The following CLSTN2 variants were observed in gnomAD, a reference collection of about 807,000 sequenced individuals.
CLSTN2 encodes calsyntenin 2.
A neutral mutation model predicts 101.2 loss-of-function variants in CLSTN2; 48 were observed. The observed-to-expected ratio is 0.47, with a 90% CI of 0.38 to 0.60. The LOEUF (loss-of-function observed/expected upper bound fraction) is 0.60. Among genes scored for constraint, CLSTN2 ranks in the 20% least tolerant of loss-of-function variants. The pLI is 0.00. For missense variants in CLSTN2, 1,160 were observed against 1,238.2 expected, an observed-to-expected ratio of 0.94 and a Z score of 0.95; for synonymous variants, 481 against 463.6, an observed-to-expected ratio of 1.04 and a Z score of -0.48.
At chr3:140,075,891 T>G (rs1376731988) in intron 1 of CLSTN2, among the ~76,000 whole-genome samples, 1 of 152,060 alleles carries the variant, frequency 6.6e-6, no homozygotes, top group Non-Finnish European at 1.5e-5. Context: ...TGCAGGTATC[T>G]CTGCAGTTCC....
chr3:140,013,408 G>A (rs9289595), intron 1 of CLSTN2, among the ~76,000 whole-genome samples: 11,381 of 152,204 alleles, frequency 0.075, 483 homozygotes, highest in Middle Eastern at 0.11. Context: ...TACTTGTTCC[G>A]GCTCTTTGTT....
intron 1 of CLSTN2, among the ~76,000 whole-genome samples, chr3:139,950,801 G>T (rs1487523429): frequency 6.6e-6 from 1 of 152,160 alleles, no homozygotes; most frequent in East Asian, 1.9e-4. Context: ...ACAAATGCTT[G>T]GGCCCAACCA....
At chr3:140,533,567 C>T (rs577912549) in intron 9 of CLSTN2, among the ~76,000 whole-genome samples, 5 of 151,934 alleles carry the variant, frequency 3.3e-5, no homozygotes, top group South Asian at 4.2e-4. Context: ...AAAAATTAGC[C>T]GGGCATGGTG....
At chr3:140,355,479 T>A (rs2087660249) in intron 2 of CLSTN2, among the ~76,000 whole-genome samples, 1 of 152,176 alleles carries the variant, frequency 6.6e-6, no homozygotes, top group Non-Finnish European at 1.5e-5. Flanking sequence ...GCTCAGTAAA[T>A]ACGTCAGTAG....
chr3:140,459,431 C>A, intron 6 of CLSTN2, 90 bp from the exon 7 acceptor site: 1 of 1,450,810 alleles, frequency 6.9e-7, no homozygotes, highest in South Asian at 1.2e-5. Context: ...TGAGTAAGTA[C>A]ACTGAGTAGT....
At chr3:140,248,154 G>A (rs1406107723) in intron 2 of CLSTN2, among the ~76,000 whole-genome samples, 1 of 152,216 alleles carries the variant, frequency 6.6e-6, no homozygotes, top group African/African-American at 2.4e-5. Context: ...GCAGGGCAAT[G>A]TGAAATATTT....
chr3:140,198,389 G>C (rs558398955), intron 2 of CLSTN2, among the ~76,000 whole-genome samples: 1 of 152,166 alleles, frequency 6.6e-6, no homozygotes, highest in Non-Finnish European at 1.5e-5. Context: ...TGGGCACAGC[G>C]TGACTGGGCC....
At chr3:140,000,757 G>A (rs957029438) in intron 1 of CLSTN2, among the ~76,000 whole-genome samples, 3 of 152,114 alleles carry the variant, frequency 2.0e-5, no homozygotes. Context: ...TTCTCATCTT[G>A]CTCTTCTCTG....
At position 140,209,370 on chromosome 3, in the gene CLSTN2, T is replaced by G. The variant is rs116592672; in HGVS notation, c.232+33297T>G. 7.6e-3 allele frequency among the ~76,000 whole-genome samples: 1,158 copies of G among 152,292 alleles called. 13 individuals are homozygous for G. The highest frequency in any genetic ancestry group is 0.026 in the African/African-American group (1,077 of 41,542). Reference sequence around the variant, plus strand: ...ATGCTTTCAGGACAGTGGGTTCTCTTTCTTTCAGCTGTGTAGCTTTGGTGG... The same window carrying G: ...ATGCTTTCAGGACAGTGGGTTCTCTGTCTTTCAGCTGTGTAGCTTTGGTGG... On this transcript the variant is annotated intron_variant, in intron 2 of 16. Transcript: ENST00000458420.
At chr3:140,175,834 C>T in intron 1 of CLSTN2, 117 bp from the exon 2 acceptor site, 1 of 1,009,276 alleles carries the variant, frequency 9.9e-7, no homozygotes, top group East Asian at 2.6e-5. Flanking sequence ...CCATGTCTCT[C>T]ATGGGATTGT....
intron 1 of CLSTN2, among the ~76,000 whole-genome samples, chr3:140,092,642 A>G (rs1263533602): frequency 6.6e-6 from 1 of 152,190 alleles, no homozygotes; most frequent in Admixed American, 6.5e-5. Flanking sequence ...GTCACTTTGC[A>G]GAGAGCAGTA....
intron 1 of CLSTN2, among the ~76,000 whole-genome samples, chr3:140,076,630 T>TTTTTG (rs2008496297): frequency 2.2e-5 from 3 of 136,554 alleles, no homozygotes; most frequent in East Asian, 4.3e-4. Context: ...GCAGTGTTTT[T>TTTTTG]TTTTTTTTTT....
chr3:139,982,529 G>A (rs1576385664), intron 1 of CLSTN2, among the ~76,000 whole-genome samples: 1 of 152,002 alleles, frequency 6.6e-6, no homozygotes, highest in African/African-American at 2.4e-5. Context: ...TTCTTTATTT[G>A]GCATCTGCAA....
At position 140,067,728 on chromosome 3, in the gene CLSTN2, G is replaced by T. The variant is rs186992878; in HGVS notation, c.110-108223G>T. Among the ~76,000 whole-genome samples, 22 of 152,266 alleles carry T rather than the reference G, an allele frequency of 1.4e-4. No homozygotes were observed. In the East Asian group the frequency reaches 4.2e-3, roughly 29 times the overall value. On this transcript the variant is annotated intron_variant, in intron 1 of 16. Coordinates refer to ENST00000458420, the MANE Select transcript of CLSTN2 (RefSeq NM_022131.3). ...CCCTGTGAGTGGTCATTTTAGGAAG[G>T]GATGTTTCCTGGGAGAGACGGGGCT...
At chr3:140,457,092 T>A (rs1353345761) in intron 6 of CLSTN2, among the ~76,000 whole-genome samples, 1 of 152,168 alleles carries the variant, frequency 6.6e-6, no homozygotes, top group Non-Finnish European at 1.5e-5. Context: ...CCTCTGGTGG[T>A]GGAGTTTCAA....
chr3:140,222,465 T>G (rs2086282558), intron 2 of CLSTN2, among the ~76,000 whole-genome samples: 1 of 152,126 alleles, frequency 6.6e-6, no homozygotes, highest in Non-Finnish European at 1.5e-5. Context: ...TTAAAATAAC[T>G]GAAAAAAATA....
At chr3:140,216,428 G>A (rs1241230101) in intron 2 of CLSTN2, among the ~76,000 whole-genome samples, 1 of 152,174 alleles carries the variant, frequency 6.6e-6, no homozygotes, top group African/African-American at 2.4e-5. Context: ...TCATTCCACT[G>A]TCTACCCTCT....
chr3:140,564,102 A>G lies in CLSTN2; in HGVS notation c.2624A>G (p.Asp875Gly). The part of the protein sequence containing the change: ...ETEAAKESEM[D>G]WDDSALTITV... ...GAGGCTGCCAAGGAATCTGAGATGG[A>G]CTGGGACGATTCTGCGCTGACTATC... The change falls in exon 16 of 17, where the codon GAC becomes GGC. Residue 875 changes from aspartate to glycine, a missense_variant. Transcript: ENST00000458420. 6.2e-7 allele frequency: 1 copy of G among 1,614,112 alleles called. No homozygotes were observed. The highest frequency in any genetic ancestry group is 8.5e-7 in the Non-Finnish European group (1 of 1,180,000).
rs367937961 is a variant in CLSTN2 at position 140,477,473 on chromosome 3, CAT to C, written c.1344+10745_1344+10746del. Among the ~76,000 whole-genome samples, 74 of 152,204 alleles carry C rather than the reference CAT, an allele frequency of 4.9e-4. No individual in the cohort carries two copies. The South Asian group carries it at 7.1e-3, about 15-fold the overall frequency. On this transcript the variant is annotated intron_variant, in intron 8 of 16. Coordinates refer to ENST00000458420, the MANE Select transcript of CLSTN2 (RefSeq NM_022131.3). ...AAGAATAGGAAACGTTAACCAGAAA[CAT>C]ATTACATGTGAGGGAAAAAAGGGAA...
Sources: allele counts gnomAD v4.1 joint callset (sites outside exome capture counted in the v4.1 genomes callset), GRCh38; gene constraint gnomAD v4.1.1; transcripts MANE v1.5; gene names NCBI Gene and HGNC (gene_info 2026-07-23, HGNC 2026-07-21).